E2F2: variants seen among roughly 807,000 people sequenced by gnomAD.
The protein encoded by E2F2 is transcription factor E2F2.
E2F2 carries 22 observed loss-of-function variants against 42.2 expected under a neutral mutation model. The observed-to-expected ratio is 0.52, with a 90% confidence interval of 0.37 to 0.74. The LOEUF (loss-of-function observed/expected upper bound fraction) is 0.74. Among genes scored for constraint, E2F2 ranks in the 30% least tolerant of loss-of-function variants. The pLI, the probability that E2F2 is intolerant of heterozygous loss-of-function variation, is 0.00. For synonymous variants in E2F2, 248 were observed against 251.6 expected (o/e 0.99, Z 0.13); for missense variants, 481 against 557.8 (o/e 0.86, Z 1.39).
rs575133556 is a variant in E2F2 at position 23,519,414 on chromosome 1, G to T, written c.738-284C>A. On this transcript the variant is annotated intron_variant, in intron 4 of 6. Coordinates refer to ENST00000361729, the MANE Select transcript of E2F2 (RefSeq NM_004091.4). ...CTTCATCTCTCAAACTAGATCATTA[G>T]CTCTGAGAAGGCAGGAAGATGTGTT... 3.1e-5 allele frequency: 7 copies of T among 226,674 alleles called. No homozygotes were observed. The South Asian group carries it at 1.1e-3, about 35-fold the overall frequency. 14.0% of individuals were successfully genotyped at this position (226,674 alleles called of 1,614,324 possible).
downstream of E2F2, among the ~76,000 whole-genome samples, chr1:23,505,960 T>G (rs776582709): frequency 5.9e-5 from 9 of 152,166 alleles, no homozygotes; most frequent in Non-Finnish European, 1.2e-4. Flanking sequence ...CAAGCCCGGC[T>G]AATTTTTTTA....
At chr1:23,520,359 A>G (rs1177029142) in intron 4 of E2F2, among the ~76,000 whole-genome samples, 5 of 151,250 alleles carry the variant, frequency 3.3e-5, no homozygotes, top group African/African-American at 1.2e-4. Context: ...AACAATGGCT[A>G]TGTTAAGGTG....
In E2F2 at chr1:23,509,977, G is replaced by C. The variant is rs750682155; in HGVS notation, c.1217C>G (p.Ser406Cys). The C allele has an allele frequency of 1.9e-6, 3 of 1,613,318 alleles. No individual in the cohort carries two copies. The South Asian group carries it at 3.3e-5, about 18-fold the overall frequency. Residue 406 changes from serine to cysteine, a missense_variant, in exon 7 of 7, where the codon TCC (serine) becomes TGC (cysteine). Coordinates refer to ENST00000361729, the MANE Select transcript of E2F2 (RefSeq NM_004091.4). ...CCACAGGTAGTCGTCCTGGTCCAAG[G>C]ATGGGGAGAAGCTGATCAGAGGGGA... ...CSSPLISFSP[S>C]LDQDDYLWGL...
downstream of E2F2, among the ~76,000 whole-genome samples, chr1:23,505,364 G>T (rs188406144): frequency 1.6e-4 from 24 of 152,278 alleles, no homozygotes; most frequent in East Asian, 3.1e-3. Context: ...CAGCCTTTTG[G>T]CTAAGATCAA....
intron 6 of E2F2, among the ~76,000 whole-genome samples, chr1:23,515,861 C>T (rs1570458794): frequency 2.0e-5 from 3 of 151,988 alleles, no homozygotes; most frequent in African/African-American, 4.8e-5. Flanking sequence ...CCACCACACT[C>T]GGCTAATTTG....
intron 1 of E2F2, 87 bp from the exon 2 acceptor site, chr1:23,524,575 C>T: frequency 8.5e-7 from 1 of 1,181,066 alleles, no homozygotes; most frequent in East Asian, 2.7e-5. Context: ...GCAATGAAGC[C>T]ACTTAGCAGC....
At chr1:23,518,598 G>A (rs920572064) in intron 5 of E2F2, among the ~76,000 whole-genome samples, 11 of 152,106 alleles carry the variant, frequency 7.2e-5, no homozygotes, top group Admixed American at 6.6e-4. Context: ...ATGGGGCAGC[G>A]GGGAAAAGGA....
In E2F2 at chr1:23,530,673, TAGCTGGGCAG is replaced by T. The variant is rs1233508279; in HGVS notation, c.111_120del (p.Cys38LeufsTer105). The T allele has an allele frequency of 3.7e-6, 6 of 1,613,050 alleles. No individual in the cohort carries two copies. The highest frequency in any genetic ancestry group is 5.1e-6 in the Non-Finnish European group (6 of 1,179,696). ...TACAGCGGTGTGTAGTAGGTAGCAG[TAGCTGGGCAG>T]AGCTGGGGGCTGCTGAGGCCGGATG... is the stretch of plus-strand genomic sequence containing the variant. On this transcript the variant is annotated frameshift_variant, in exon 1 of 7. Coordinates refer to ENST00000361729, the MANE Select transcript of E2F2 (RefSeq NM_004091.4). LOFTEE classifies it high-confidence loss of function. This position sits in a 1 kb window ranked among gnomAD's most constrained non-coding sequence, Gnocchi z 4.4.
chr1:23,514,833 CAA>C (rs74604082), intron 6 of E2F2, among the ~76,000 whole-genome samples: 25 of 46,730 alleles, frequency 5.3e-4, no homozygotes, highest in Admixed American at 1.2e-3. Flanking sequence ...GAGACTGTCT[CAA>C]AAAAAAAAAA....
At chr1:23,512,704 TAG>T (rs1210578471) in intron 6 of E2F2, among the ~76,000 whole-genome samples, 1 of 152,144 alleles carries the variant, frequency 6.6e-6, no homozygotes, top group Non-Finnish European at 1.5e-5. Flanking sequence ...CGTCCAGAAA[TAG>T]AATCGCCTTT....
Position 23,520,896 on chromosome 1 carries a change from C to T in E2F2, c.737+17G>A. 2 of 1,543,262 alleles carry T rather than the reference C, an allele frequency of 1.3e-6. No individual in the cohort carries two copies. The highest frequency in any genetic ancestry group is 1.7e-6 in the Non-Finnish European group (2 of 1,143,002). Reference sequence around the variant, plus strand: ...GGTTCCTGCTCCCTGACACCTTCCCCCAACCAAGGAGGATATCTCTTGTTG... The same window carrying T: ...GGTTCCTGCTCCCTGACACCTTCCCTCAACCAAGGAGGATATCTCTTGTTG... On this transcript the variant is annotated intron_variant, in intron 4 of 6. Coordinates refer to ENST00000361729, the MANE Select transcript of E2F2 (RefSeq NM_004091.4).
chr1:23,505,750 C>T (rs563860861), downstream of E2F2, among the ~76,000 whole-genome samples: 6 of 152,046 alleles, frequency 3.9e-5, no homozygotes, highest in Admixed American at 6.6e-5. Context: ...CCTGACCTTG[C>T]GATCCGCCCG....
chr1:23,505,944 C>T (rs544143262), downstream of E2F2, among the ~76,000 whole-genome samples: 2 of 152,248 alleles, frequency 1.3e-5, no homozygotes, highest in South Asian at 2.1e-4. Flanking sequence ...TACAGGCACC[C>T]GCCACCAAGC....
Position 23,520,893 on chromosome 1 carries a change from C to G in E2F2, c.737+20G>C. 6.5e-7 allele frequency: 1 copy of G among 1,540,438 alleles called. No individual in the cohort carries two copies. The highest frequency in any genetic ancestry group is 8.8e-7 in the Non-Finnish European group (1 of 1,141,484). On this transcript the variant is annotated intron_variant, in intron 4 of 6. Transcript: ENST00000361729. ...ACAGGTTCCTGCTCCCTGACACCTTCCCCCAACCAAGGAGGATATCTCTTG... is the reference window on the plus strand; with the variant it reads ...ACAGGTTCCTGCTCCCTGACACCTTGCCCCAACCAAGGAGGATATCTCTTG...
At chr1:23,506,116 A>C (rs983473687), downstream of E2F2, among the ~76,000 whole-genome samples, 1 of 152,164 alleles carries the variant, frequency 6.6e-6, no homozygotes, top group African/African-American at 2.4e-5. Flanking sequence ...TGCTGGTCTG[A>C]GGACTACAGT....
downstream of E2F2, among the ~76,000 whole-genome samples, chr1:23,506,123 C>T (rs1570446426): frequency 6.6e-6 from 1 of 152,246 alleles, no homozygotes; most frequent in Non-Finnish European, 1.5e-5. Context: ...CTGAGGACTA[C>T]AGTTGGACCC....
At chr1:23,516,296 TCTC>T in intron 6 of E2F2, 36 bp downstream of exon 6, 1 of 1,437,282 alleles carries the variant, frequency 7.0e-7, no homozygotes, top group Non-Finnish European at 9.1e-7. Flanking sequence ...AAGGCCGGTC[TCTC>T]CCCCCACCTC....
chr1:23,516,613 G>A, intron 5 of E2F2, 86 bp from the exon 6 acceptor site: 1 of 1,136,892 alleles, frequency 8.8e-7, no homozygotes. Flanking sequence ...CGTGGCTGCT[G>A]CCATCCATGG....
chr1:23,518,385 C>T (rs999590820), intron 5 of E2F2, among the ~76,000 whole-genome samples: 64 of 151,534 alleles, frequency 4.2e-4, no homozygotes, highest in Non-Finnish European at 8.5e-4. Flanking sequence ...GCAGGAGAAT[C>T]GCTTCAACCC....
Sources: gnomAD v4.1 joint callset for allele counts (sites outside exome capture counted in the v4.1 genomes callset) on GRCh38, gnomAD v4.1.1 for gene constraint, Gnocchi (gnomAD v3.1) non-coding constraint, MANE v1.5 for transcripts, NCBI Gene and HGNC (gene_info 2026-07-23, HGNC 2026-07-21) for gene names.